Variants in PRDM16 observed in about 807,000 individuals in gnomAD.
The protein encoded by PRDM16 is PR/SET domain 16.
Under a neutral mutation model 110.6 loss-of-function variants are expected in PRDM16, and 23 were observed. The ratio of observed to expected loss-of-function variants is 0.21; its 90% CI spans 0.15 to 0.29. The LOEUF is 0.29. PRDM16 is among the 10% of genes least tolerant of loss of function. The probability of loss-of-function intolerance (pLI) is 1.00; values close to 1 mark genes in which losing one functional copy is unlikely to be tolerated. For synonymous variants in PRDM16, 799 were observed against 781.8 expected (o/e 1.02, Z -0.37); for missense variants, 1,615 against 1,794.3 (o/e 0.90, Z 1.81).
chr1:3,330,858 C>T (rs1642027939), intron 3 of PRDM16, among the ~76,000 whole-genome samples: 1 of 152,256 alleles, frequency 6.6e-6, no homozygotes, highest in Non-Finnish European at 1.5e-5. Context: ...CAGGGCCCTC[C>T]TCCCTCTGCC....
chr1:3,223,231 G>A (rs1639215788), intron 2 of PRDM16, among the ~76,000 whole-genome samples: 1 of 148,710 alleles, frequency 6.7e-6, no homozygotes, highest in South Asian at 2.1e-4. Flanking sequence ...CTGGGAATTA[G>A]CAAATGAACA....
In PRDM16 at chr1:3,417,866, C is replaced by T; in HGVS notation, c.2730C>T (p.Ser910=). ...AGACCATGACAGAGAAGCTGGAGAG[C>T]TTTGCAGCCATGAAGGCGGACTCGG... The part of the protein sequence containing the change: ...AIETMTEKLE[S]FAAMKADSGS... The change falls in exon 11 of 17, where the codon AGC becomes AGT. Residue 910 remains serine, a synonymous_variant. Transcript: ENST00000270722. 6.2e-7 allele frequency: 1 copy of T among 1,613,782 alleles called. No homozygotes were observed. Among genetic ancestry groups the T allele is most frequent in the South Asian group, 1.1e-5 (1 of 91,076 alleles).
chr1:3,247,896 C>G (rs1257924658), intron 3 of PRDM16, among the ~76,000 whole-genome samples: 2 of 152,230 alleles, frequency 1.3e-5, no homozygotes, highest in South Asian at 2.1e-4. Flanking sequence ...TCTATTTAGT[C>G]TCTGTTTACT....
At chr1:3,348,267 C>T (rs548323506) in intron 3 of PRDM16, among the ~76,000 whole-genome samples, 2 of 152,194 alleles carry the variant, frequency 1.3e-5, no homozygotes, top group Non-Finnish European at 2.9e-5. Flanking sequence ...AGGAATCTGC[C>T]CATGCCATGC....
intron 3 of PRDM16, among the ~76,000 whole-genome samples, chr1:3,381,510 C>A (rs1267172400): frequency 2.0e-5 from 3 of 150,124 alleles, no homozygotes; most frequent in African/African-American, 7.4e-5. Flanking sequence ...ACAAGCAATT[C>A]TTGTGCCTCA....
intron 3 of PRDM16, among the ~76,000 whole-genome samples, chr1:3,383,516 A>T (rs909225079): frequency 1.3e-5 from 2 of 152,208 alleles, no homozygotes; most frequent in Non-Finnish European, 2.9e-5. Context: ...AGGGAACACC[A>T]TGCACAGAGA....
intron 3 of PRDM16, among the ~76,000 whole-genome samples, chr1:3,278,344 C>G (rs56099368): frequency 0.033 from 5,095 of 152,306 alleles, 153 homozygotes; most frequent in African/African-American, 0.081. Context: ...GCAGCCACAC[C>G]TAGGCCTAAT....
At chr1:3,385,870 G>A (rs1047271330) in intron 4 of PRDM16, among the ~76,000 whole-genome samples, 2 of 152,142 alleles carry the variant, frequency 1.3e-5, no homozygotes, top group Non-Finnish European at 2.9e-5. Context: ...CTGCCACCTC[G>A]GGGCTGAGGA....
intron 1 of PRDM16, among the ~76,000 whole-genome samples, chr1:3,137,271 C>T (rs1643459323): frequency 6.6e-6 from 1 of 152,218 alleles, no homozygotes; most frequent in South Asian, 2.1e-4. Flanking sequence ...CTGACCTGGC[C>T]GCCACCGGCC....
In PRDM16 at chr1:3,358,091, C is replaced by T. The variant is rs1642643412; in HGVS notation, c.439-27061C>T. On this transcript the variant is annotated intron_variant, in intron 3 of 16. Transcript: ENST00000270722. This position sits in a 1 kb window ranked among gnomAD's most constrained non-coding sequence, Gnocchi z 4.0. ...ACGGCGGTGCCCAGTGGCCTGGCCT[C>T]ACGCGTGGGTCCATCCCGGAACCAC... 6.6e-6 allele frequency among the ~76,000 whole-genome samples: 1 copy of T among 152,228 alleles called. No homozygotes were observed. The highest frequency in any genetic ancestry group is 1.5e-5 in the Non-Finnish European group (1 of 68,042).
At chr1:3,362,460 G>A (rs1411391939) in intron 3 of PRDM16, among the ~76,000 whole-genome samples, 1 of 152,158 alleles carries the variant, frequency 6.6e-6, no homozygotes, top group Non-Finnish European at 1.5e-5. Flanking sequence ...CCCGGGAGTG[G>A]GGCAGGCAGA....
intron 12 of PRDM16, among the ~76,000 whole-genome samples, chr1:3,423,547 G>C (rs1439109335): frequency 6.6e-6 from 1 of 152,210 alleles, no homozygotes; most frequent in African/African-American, 2.4e-5. Context: ...GGACTCCCGA[G>C]TGTCACCAGG....
intron 15 of PRDM16, among the ~76,000 whole-genome samples, chr1:3,431,686 T>C (rs1347877707): frequency 6.6e-6 from 1 of 152,166 alleles, no homozygotes; most frequent in African/African-American, 2.4e-5. Flanking sequence ...ATTGAAGCCT[T>C]CTTCTCCACC....
At chr1:3,145,546 C>T (rs1643631722) in intron 1 of PRDM16, among the ~76,000 whole-genome samples, 1 of 152,198 alleles carries the variant, frequency 6.6e-6, no homozygotes. Context: ...TCCCCTGACC[C>T]AGCTGCATCC....
At chr1:3,101,912 TG>T (rs1425674337) in intron 1 of PRDM16, among the ~76,000 whole-genome samples, 1 of 152,156 alleles carries the variant, frequency 6.6e-6, no homozygotes, top group East Asian at 1.9e-4. Flanking sequence ...AGTCCTGGGC[TG>T]GGGCACAGTC....
At chr1:3,296,317 C>T (rs116356993) in intron 3 of PRDM16, among the ~76,000 whole-genome samples, 2,204 of 152,352 alleles carry the variant, frequency 0.014, 21 homozygotes, top group Middle Eastern at 0.02. Context: ...TGCTCAGAGT[C>T]GTTATGGTCC....
intron 12 of PRDM16, among the ~76,000 whole-genome samples, chr1:3,421,575 G>A (rs1410102293): frequency 6.6e-6 from 1 of 152,208 alleles, no homozygotes; most frequent in Non-Finnish European, 1.5e-5. Flanking sequence ...CTCTGTCTGG[G>A]CCATTTATTT....
chr1:3,393,245 G>A (rs541384148), intron 4 of PRDM16, among the ~76,000 whole-genome samples: 4 of 152,232 alleles, frequency 2.6e-5, no homozygotes, highest in Non-Finnish European at 5.9e-5. Flanking sequence ...TTTATAAAAA[G>A]GCATAGATGC....
chr1:3,412,665 G>T lies in PRDM16; in HGVS notation c.2468G>T (p.Arg823Leu), dbSNP rs371654192. 1 of 1,524,294 alleles carries T rather than the reference G, an allele frequency of 6.6e-7. No individual in the cohort carries two copies. Among genetic ancestry groups the T allele is most frequent in the Non-Finnish European group, 8.8e-7 (1 of 1,135,896 alleles). The allele number at this position is 1,524,294 out of a possible 1,614,324, so 94.4% of individuals were successfully genotyped here. The change falls in exon 9 of 17, where the codon CGC becomes CTC. Residue 823 changes from arginine to leucine, a missense_variant. Physicochemically the swap from Arg to Leu is moderately radical, Grantham distance 102. Around this residue, in one of 5 missense-constraint regions of PRDM16, gnomAD observed 772 missense variants for 748.3 expected, o/e 1.03. Transcript: ENST00000270722. ...ASQNGGGREP[R>L]KNHVYGERKL... ...CAAAACGGCGGCGGGCGGGAGCCCCGCAAGAACCACGTCTATGGGGAACGC... is the reference window on the plus strand; with the variant it reads ...CAAAACGGCGGCGGGCGGGAGCCCCTCAAGAACCACGTCTATGGGGAACGC...
Sources: gnomAD v4.1 joint callset for allele counts (sites outside exome capture counted in the v4.1 genomes callset) on GRCh38, gnomAD v4.1.1 for gene constraint, gnomAD v4.1.1 regional missense constraint, Gnocchi (gnomAD v3.1) non-coding constraint, MANE v1.5 for transcripts, NCBI Gene and HGNC (gene_info 2026-07-23, HGNC 2026-07-21) for gene names.